ASAP1: variants seen among roughly 807,000 people sequenced by gnomAD.
ASAP1 encodes arf-GAP with SH3 domain, ANK repeat and PH domain-containing protein 1.
A neutral mutation model predicts 145.2 loss-of-function variants in ASAP1; 43 were observed. The ratio of observed to expected loss-of-function variants is 0.30; its 90% CI spans 0.23 to 0.38. The LOEUF is 0.38. Ranked by LOEUF, ASAP1 falls within the 10% of genes least tolerant of loss-of-function variation. ASAP1 has a pLI of 1.00. For missense variants in ASAP1, 1,018 were observed against 1,355.3 expected (o/e 0.75, Z 3.91); for synonymous variants, 546 against 515.5 (o/e 1.06, Z -0.80).
intron 15 of ASAP1, among the ~76,000 whole-genome samples, chr8:130,129,971 T>A (rs1353212344): frequency 6.6e-6 from 1 of 152,128 alleles, no homozygotes; most frequent in African/African-American, 2.4e-5. Flanking sequence ...AGAACCTGGG[T>A]TCAACAGGAC....
At chr8:130,125,808 GT>G in intron 17 of ASAP1, 147 bp downstream of exon 17, 1 of 717,920 alleles carries the variant, frequency 1.4e-6, no homozygotes, top group Non-Finnish European at 2.1e-6. Flanking sequence ...TACCACAAAA[GT>G]TACATTTTAA....
intron 24 of ASAP1, among the ~76,000 whole-genome samples, chr8:130,098,147 C>T (rs998820178): frequency 6.6e-6 from 1 of 152,102 alleles, no homozygotes; most frequent in Non-Finnish European, 1.5e-5. Flanking sequence ...AGACCCAAGG[C>T]TCAGAGGGTT....
At chr8:130,151,991 C>T (rs371446645) in intron 13 of ASAP1, among the ~76,000 whole-genome samples, 2 of 152,332 alleles carry the variant, frequency 1.3e-5, no homozygotes, top group African/African-American at 4.8e-5. Context: ...GGAGGATTAA[C>T]TGAAATAAAG....
intron 3 of ASAP1, among the ~76,000 whole-genome samples, chr8:130,345,968 A>G (rs895210695): frequency 1.2e-4 from 18 of 152,174 alleles, no homozygotes; most frequent in Admixed American, 2.0e-4. Context: ...AAATTTAGTA[A>G]CTGTGGGTTT....
chr8:130,114,675 T>C (rs1242525234), intron 23 of ASAP1, among the ~76,000 whole-genome samples: 1 of 152,130 alleles, frequency 6.6e-6, no homozygotes, highest in Non-Finnish European at 1.5e-5. Flanking sequence ...GAGTATGCAG[T>C]GTGTTGTGGA....
Position 130,377,588 on chromosome 8 carries a change from T to G in ASAP1, c.60-19445A>C, listed in dbSNP as rs1192930962. ...AAGGAGCCTATGGTCAATCAGAGTA[T>G]GCAGATGGCCTGCCAGGCCCACTCT... On this transcript the variant is annotated intron_variant, in intron 2 of 29. Transcript: ENST00000518721. Among the ~76,000 whole-genome samples the G allele has an allele frequency of 2.0e-5, 3 of 152,332 alleles. No homozygotes were observed. In the East Asian group the frequency reaches 5.8e-4, roughly 29 times the overall value.
chr8:130,330,597 G>A (rs1274946626), intron 3 of ASAP1, among the ~76,000 whole-genome samples: 1 of 152,206 alleles, frequency 6.6e-6, no homozygotes, highest in Non-Finnish European at 1.5e-5. Flanking sequence ...ATGTTAAACT[G>A]TACTTAACTC....
rs1434051637 is a variant in ASAP1, at chr8:130,358,755, C to G, written c.60-612G>C. Among the ~76,000 whole-genome samples, 1 of 144,640 alleles carries G rather than the reference C, an allele frequency of 6.9e-6. No homozygotes were observed. Among genetic ancestry groups the G allele is most frequent in the Non-Finnish European group, 1.5e-5 (1 of 65,302 alleles). The allele number at this position is 144,640 out of a possible 152,430, so 94.9% of individuals were successfully genotyped here. On this transcript the variant is annotated intron_variant, in intron 2 of 29. Coordinates refer to ENST00000518721, the MANE Select transcript of ASAP1 (RefSeq NM_018482.4). This position sits in a 1 kb window ranked among gnomAD's most constrained non-coding sequence, Gnocchi z 4.1. Reference sequence around the variant, plus strand: ...CCCCCGGCCCGGCCCCCGCCCCGCCCCGCCCCCGCTCGCGCACAGCCCCTG... The same window carrying G: ...CCCCCGGCCCGGCCCCCGCCCCGCCGCGCCCCCGCTCGCGCACAGCCCCTG...
chr8:130,205,801 A>G (rs1816181217), intron 5 of ASAP1, among the ~76,000 whole-genome samples: 2 of 150,428 alleles, frequency 1.3e-5, no homozygotes, highest in South Asian at 2.2e-4. Flanking sequence ...GGTGTGCTGC[A>G]TAATATAAGG....
chr8:130,230,182 T>G (rs901601708), intron 4 of ASAP1, among the ~76,000 whole-genome samples: 1 of 152,114 alleles, frequency 6.6e-6, no homozygotes, highest in Admixed American at 6.6e-5. Flanking sequence ...ATGATGTACA[T>G]TCCCCAAAGA....
chr8:130,298,825 C>G (rs188443630), intron 3 of ASAP1, among the ~76,000 whole-genome samples: 1 of 152,264 alleles, frequency 6.6e-6, no homozygotes, highest in African/African-American at 2.4e-5. Context: ...TCTCCCAGAA[C>G]CTCTGCACTA....
intron 24 of ASAP1, among the ~76,000 whole-genome samples, chr8:130,093,805 T>G (rs561054240): frequency 5.3e-5 from 8 of 149,826 alleles, no homozygotes; most frequent in African/African-American, 2.0e-4. Flanking sequence ...AAAAGTCTAA[T>G]TACTGCTGGC....
At chr8:130,305,069 G>A (rs982363822) in intron 3 of ASAP1, among the ~76,000 whole-genome samples, 1 of 151,980 alleles carries the variant, frequency 6.6e-6, no homozygotes, top group Non-Finnish European at 1.5e-5. Flanking sequence ...GAGGACCTTC[G>A]TGCTGTCGGA....
chr8:130,222,849 A>G (rs908297449), intron 4 of ASAP1, among the ~76,000 whole-genome samples: 2 of 152,220 alleles, frequency 1.3e-5, no homozygotes, highest in African/African-American at 2.4e-5. Flanking sequence ...AGTGACAGGC[A>G]CTGACCCCAA....
At position 130,054,646 on chromosome 8, in the gene ASAP1, A is replaced by T; in HGVS notation, c.*85T>A. On this transcript the variant is annotated 3_prime_UTR_variant, in exon 30 of 30. Coordinates refer to ENST00000518721, the MANE Select transcript of ASAP1 (RefSeq NM_018482.4). The stretch of plus-strand genomic sequence containing the variant: ...CATGAGTTTCTTACTCTGTAACAGC[A>T]GCTATATACACACTGTGCCCAGGGT... The T allele has an allele frequency of 8.8e-7, 1 of 1,133,520 alleles. No homozygotes were observed. Among genetic ancestry groups the T allele is most frequent in the Non-Finnish European group, 1.3e-6 (1 of 748,688 alleles). The allele number at this position is 1,133,520 out of a possible 1,614,324, so 70.2% of individuals were successfully genotyped here. A position where few individuals can be genotyped will look rare whatever the true frequency, so the allele number is the denominator to read the frequency against.
chr8:130,219,588 T>G (rs1459291565), intron 4 of ASAP1, among the ~76,000 whole-genome samples: 1 of 152,192 alleles, frequency 6.6e-6, no homozygotes, highest in Middle Eastern at 3.2e-3. Flanking sequence ...AGCTCTGTTT[T>G]AAGATCTTTA....
chr8:130,059,568 G>A (rs1371134288), intron 28 of ASAP1, among the ~76,000 whole-genome samples: 3 of 152,044 alleles, frequency 2.0e-5, no homozygotes, highest in African/African-American at 4.8e-5. Flanking sequence ...CGATCCACTC[G>A]CCTCTTCCCA....
At chr8:130,442,608 G>C (rs1209587034) in intron 1 of ASAP1, among the ~76,000 whole-genome samples, 1 of 152,080 alleles carries the variant, frequency 6.6e-6, no homozygotes, top group Non-Finnish European at 1.5e-5. Flanking sequence ...AGTAGACAGG[G>C]GAAAATGCGA....
chr8:130,103,920 C>G (rs1185477591), intron 24 of ASAP1, among the ~76,000 whole-genome samples: 1 of 152,106 alleles, frequency 6.6e-6, no homozygotes, highest in Non-Finnish European at 1.5e-5. Flanking sequence ...TTTTAAGGGT[C>G]AGTTCAAATG....
Sources: gnomAD v4.1 joint callset for allele counts (sites outside exome capture counted in the v4.1 genomes callset) on GRCh38, gnomAD v4.1.1 for gene constraint, Gnocchi (gnomAD v3.1) non-coding constraint, MANE v1.5 for transcripts, NCBI Gene and HGNC (gene_info 2026-07-23, HGNC 2026-07-21) for gene names.